Variants in ABHD17C observed in about 807,000 individuals in gnomAD.
ABHD17C encodes the protein alpha/beta hydrolase domain-containing protein 17C.
In ABHD17C, 11 loss-of-function variants were observed where a neutral mutation model predicts 27.9. The ratio of observed to expected loss-of-function variants is 0.39; its 90% CI spans 0.25 to 0.65. The LOEUF (loss-of-function observed/expected upper bound fraction) is 0.65, where lower values mean the gene tolerates loss of function less well. Among genes scored for constraint, ABHD17C ranks in the 30% least tolerant of loss-of-function variants. ABHD17C has a pLI of 0.45. For missense variants in ABHD17C, 280 were observed against 470.2 expected (o/e 0.60, Z 3.74); for synonymous variants, 233 against 209.1 (o/e 1.11, Z -0.98).
At chr15:80,729,823 G>T (rs1435662957) in intron 1 of ABHD17C, among the ~76,000 whole-genome samples, 1 of 152,136 alleles carries the variant, frequency 6.6e-6, no homozygotes, top group Non-Finnish European at 1.5e-5. Flanking sequence ...AAAGAGGAGA[G>T]AACTCAGGCC....
In ABHD17C at chr15:80,754,395, T is replaced by C. The variant is rs1895407115; in HGVS notation, c.*25T>C. 6.3e-7 allele frequency: 1 copy of C among 1,584,918 alleles called. No individual in the cohort carries two copies. Among genetic ancestry groups the C allele is most frequent in the African/African-American group, 1.3e-5 (1 of 74,346 alleles). On this transcript the variant is annotated 3_prime_UTR_variant, in exon 3 of 3. Transcript: ENST00000258884. ...AAGACAACAACTTGATCTTACCTCATTTACTGTGAACAGAAGAGTCCTCTG... is the reference window on the plus strand; with the variant it reads ...AAGACAACAACTTGATCTTACCTCACTTACTGTGAACAGAAGAGTCCTCTG...
At position 80,713,354 on chromosome 15, in the gene ABHD17C, C is replaced by CTTTTTTTTTTTTTTTT. The variant is rs67320992; in HGVS notation, c.590+17348_590+17363dup. Among the ~76,000 whole-genome samples the CTTTTTTTTTTTTTTTT allele has an allele frequency of 4.8e-3, 211 of 43,846 alleles. 56 individuals carry two copies. The highest frequency in any genetic ancestry group is 0.034 in the East Asian group (32 of 928). 28.8% of individuals were successfully genotyped at this position (43,846 alleles called of 152,430 possible). On this transcript the variant is annotated intron_variant, in intron 1 of 2. Coordinates refer to ENST00000258884, the MANE Select transcript of ABHD17C (RefSeq NM_021214.2). ...GAAGGAAAGCCACTGAGGTCTTGTT[C>CTTTTTTTTTTTTTTTT]TTTTTTTTTTTTTTTTTTTTTTTTT...
intron 1 of ABHD17C, among the ~76,000 whole-genome samples, chr15:80,710,983 G>C (rs924487763): frequency 2.0e-5 from 3 of 152,176 alleles, no homozygotes; most frequent in African/African-American, 7.2e-5. Flanking sequence ...AGACCTTTAA[G>C]TGGAGATGTA....
Position 80,695,539 on chromosome 15 carries a change from C to G in ABHD17C, c.110C>G (p.Pro37Arg). Residue 37 changes from proline to arginine, a missense_variant, in exon 1 of 3, where the codon CCG becomes CGG. Pro to Arg is a moderately radical substitution (Grantham distance 103, BLOSUM62 -2). Transcript: ENST00000258884. The surrounding 1 kb of genome is among the most constrained non-coding windows in gnomAD (Gnocchi z 4.3). ...ATCGCCGCCAAGCTGGCCTTCCTGC[C>G]GCCCGAGCCCACCTACACGGTGCTG... Reference protein sequence around the residue: ...SRIAAKLAFLPPEPTYTVLAP... With the variant: ...SRIAAKLAFLRPEPTYTVLAP... 1 of 1,359,742 alleles carries G rather than the reference C, an allele frequency of 7.4e-7. No individual in the cohort carries two copies. Among genetic ancestry groups the G allele is most frequent in the Non-Finnish European group, 9.6e-7 (1 of 1,042,682 alleles). 84.2% of individuals were successfully genotyped at this position (1,359,742 alleles called of 1,614,324 possible). A position where few individuals can be genotyped will look rare whatever the true frequency, so the allele number is the denominator to read the frequency against.
chr15:80,749,937 A>T (rs1895343330), intron 2 of ABHD17C, among the ~76,000 whole-genome samples: 1 of 152,196 alleles, frequency 6.6e-6, no homozygotes, highest in African/African-American at 2.4e-5. Flanking sequence ...ACTGACGCCT[A>T]GGGTTAATTG....
intron 1 of ABHD17C, among the ~76,000 whole-genome samples, chr15:80,723,837 G>A (rs1240960875): frequency 6.6e-6 from 1 of 152,172 alleles, no homozygotes; most frequent in Non-Finnish European, 1.5e-5. Context: ...TGCAGCTGAG[G>A]TGAACGGGGT....
chr15:80,754,038 G>A, intron 2 of ABHD17C, 113 bp from the exon 3 acceptor site: 1 of 850,180 alleles, frequency 1.2e-6, no homozygotes, highest in African/African-American at 1.7e-5. Flanking sequence ...AAAACCCACG[G>A]TGTTATTTCC....
intron 1 of ABHD17C, among the ~76,000 whole-genome samples, chr15:80,717,633 G>A (rs1467468059): frequency 1.2e-4 from 19 of 152,088 alleles, no homozygotes; most frequent in Admixed American, 1.0e-3. Context: ...TGATCCACCC[G>A]CCTCGGCCTC....
chr15:80,729,269 G>GTAT (rs1250189705), intron 1 of ABHD17C, among the ~76,000 whole-genome samples: 1 of 152,060 alleles, frequency 6.6e-6, no homozygotes, highest in Middle Eastern at 3.4e-3. Flanking sequence ...CTCAACTGAG[G>GTAT]TATTTATTAT....
intron 1 of ABHD17C, among the ~76,000 whole-genome samples, chr15:80,714,653 T>C (rs1894779040): frequency 6.6e-6 from 1 of 152,194 alleles, no homozygotes; most frequent in African/African-American, 2.4e-5. Context: ...TGGCTTAATA[T>C]TTATTATTTT....
chr15:80,696,066 C>CG (rs746939986), intron 1 of ABHD17C, 47 bp downstream of exon 1: 2 of 1,447,532 alleles, frequency 1.4e-6, no homozygotes, highest in Non-Finnish European at 1.8e-6. Context: ...TGTGGGGAGG[C>CG]GGGGTGGGGG....
At chr15:80,737,968 T>G (rs538018034) in intron 1 of ABHD17C, among the ~76,000 whole-genome samples, 47 of 152,296 alleles carry the variant, frequency 3.1e-4, no homozygotes, top group Middle Eastern at 3.4e-3. Context: ...AAGTTTGTTT[T>G]TTTTTTCTTT....
chr15:80,699,457 A>G (rs968806006), intron 1 of ABHD17C, among the ~76,000 whole-genome samples: 1 of 151,588 alleles, frequency 6.6e-6, no homozygotes, highest in African/African-American at 2.4e-5. Context: ...TTGAGGCCTC[A>G]TCCACTTTGT....
At position 80,707,554 on chromosome 15, in the gene ABHD17C, G is replaced by C. The variant is rs1033791460; in HGVS notation, c.590+11535G>C. Among the ~76,000 whole-genome samples the C allele has an allele frequency of 4.4e-4, 67 of 150,622 alleles. 1 individual carries two copies. The highest frequency in any genetic ancestry group is 1.0e-4 in the Non-Finnish European group (7 of 67,656). ...ATGAAATATACTAATACTAGCAATAGCTGATGAGCCCCCCCTCAAAAAAAA... is the reference window on the plus strand; with the variant it reads ...ATGAAATATACTAATACTAGCAATACCTGATGAGCCCCCCCTCAAAAAAAA... On this transcript the variant is annotated intron_variant, in intron 1 of 2. Transcript: ENST00000258884.
intron 1 of ABHD17C, among the ~76,000 whole-genome samples, chr15:80,716,943 AGTGGGTCT>A (rs1175414965): frequency 6.6e-6 from 1 of 152,212 alleles, no homozygotes; most frequent in African/African-American, 2.4e-5. Context: ...GGGGCAGTGC[AGTGGGTCT>A]GTTCCCCCAT....
chr15:80,745,069 A>G (rs1482563418), intron 1 of ABHD17C, among the ~76,000 whole-genome samples: 2 of 152,196 alleles, frequency 1.3e-5, no homozygotes, highest in Non-Finnish European at 2.9e-5. Context: ...GTCATGAAAT[A>G]TAACTGCCAT....
intron 1 of ABHD17C, among the ~76,000 whole-genome samples, chr15:80,698,297 C>T (rs1004284987): frequency 9.2e-5 from 14 of 152,270 alleles, no homozygotes; most frequent in African/African-American, 3.4e-4. Flanking sequence ...ACCTCCTGAC[C>T]TCATAATCCG....
intron 1 of ABHD17C, among the ~76,000 whole-genome samples, chr15:80,744,911 G>A (rs576745927): frequency 4.6e-5 from 7 of 152,130 alleles, no homozygotes; most frequent in African/African-American, 1.2e-4. Flanking sequence ...GTTTCCCCAC[G>A]TTGATTCTTT....
rs528926719 is a variant in ABHD17C at position 80,747,093 on chromosome 15, TTTTC to T, written c.591-2416_591-2413del. Among the ~76,000 whole-genome samples, 385 of 152,300 alleles carry T rather than the reference TTTTC, an allele frequency of 2.5e-3. 2 individuals carry two copies. The highest frequency in any genetic ancestry group is 8.9e-3 in the African/African-American group (369 of 41,576). ...TTTTCACTTCTCTCCTCCTCTTATA[TTTTC>T]TTTGATTTATGATTTTTAAAAATAA... On this transcript the variant is annotated intron_variant, in intron 1 of 2. Transcript: ENST00000258884.
Sources: allele counts gnomAD v4.1 joint callset (sites outside exome capture counted in the v4.1 genomes callset), GRCh38; gene constraint gnomAD v4.1.1; non-coding constraint Gnocchi (gnomAD v3.1); transcripts MANE v1.5; gene names NCBI Gene and HGNC (gene_info 2026-07-23, HGNC 2026-07-21).